Variants in TRPM2 observed in about 807,000 individuals in gnomAD.
TRPM2 encodes the protein transient receptor potential cation channel subfamily M member 2, also known as estrogen-responsive element-associated gene 1 protein.
TRPM2 carries 161 observed loss-of-function variants against 174.0 expected under a neutral mutation model. The observed-to-expected ratio is 0.93, with a 90% CI of 0.81 to 1.05. TRPM2 has a LOEUF of 1.05. Among genes scored for constraint, TRPM2 ranks in the 50% least tolerant of loss-of-function variants. The pLI is 0.00. For synonymous variants in TRPM2, 954 were observed against 861.3 expected (o/e 1.11, Z -1.88); for missense variants, 2,057 against 2,038.0 (o/e 1.01, Z -0.18).
At position 44,401,803 on chromosome 21, in the gene TRPM2, A is replaced by G. The variant is rs1233201537; in HGVS notation, c.2444A>G (p.Tyr815Cys). 2.5e-6 allele frequency: 4 copies of G among 1,613,718 alleles called. No homozygotes were observed. The highest frequency in any genetic ancestry group is 2.2e-5 in the South Asian group (2 of 91,082). ...SYFAFLCLFA[Y>C]VLMVDFQPVP... ...TTCGCCTTCCTCTGCCTGTTCGCCT[A>G]CGTGCTCATGGTGGACTTCCAGCCT... is the stretch of plus-strand genomic sequence containing the variant. The change falls in exon 16 of 32, where the codon TAC becomes TGC. Residue 815 changes from tyrosine to cysteine, a missense_variant. Coordinates refer to ENST00000397928, the MANE Select transcript of TRPM2 (RefSeq NM_003307.4).
At chr21:44,436,819 T>A (rs2051287851) in intron 28 of TRPM2, among the ~76,000 whole-genome samples, 1 of 152,096 alleles carries the variant, frequency 6.6e-6, no homozygotes, top group Non-Finnish European at 1.5e-5. Context: ...GTTTAAAAAA[T>A]TCTCCATGAA....
Position 44,406,835 on chromosome 21 carries a change from G to T in TRPM2, c.2962+70G>T, listed in dbSNP as rs536779795. 3.0e-4 allele frequency: 462 copies of T among 1,527,628 alleles called. 7 individuals carry two copies. The South Asian group carries it at 5.2e-3, about 17-fold the overall frequency. The allele number at this position is 1,527,628 out of a possible 1,614,324, so 94.6% of individuals were successfully genotyped here. ...GCAGGAGAGAGGCTGGAAAGGGGCCGCATGAGTGGGAGTGAGGCCGGCTCC... is the reference window on the plus strand; with the variant it reads ...GCAGGAGAGAGGCTGGAAAGGGGCCTCATGAGTGGGAGTGAGGCCGGCTCC... On this transcript the variant is annotated intron_variant, in intron 19 of 31. Transcript: ENST00000397928.
rs772400611 is a variant in TRPM2 at position 44,353,803 on chromosome 21, C to T, written c.103C>T (p.Arg35Cys). 1.7e-5 allele frequency: 27 copies of T among 1,601,484 alleles called. No homozygotes were observed. The highest frequency in any genetic ancestry group is 1.2e-4 in the East Asian group (5 of 43,380). ...TDLGMVSNLR[R>C]SNSSLFKSWR... ...CCTGGGGATGGTCTCCAATCTCCGG[C>T]GCAGCAACAGCAGCCTCTTCAAGAG... The change falls in exon 1 of 32, where the codon CGC becomes TGC. Residue 35 changes from arginine to cysteine, a missense_variant. Coordinates refer to ENST00000397928, the MANE Select transcript of TRPM2 (RefSeq NM_003307.4).
rs2048682304 is a variant in TRPM2, at chr21:44,375,865, G to A, written c.804G>A (p.Glu268=). 4 of 1,613,976 alleles carry A rather than the reference G, an allele frequency of 2.5e-6. No homozygotes were observed. The highest frequency in any genetic ancestry group is 3.4e-6 in the Non-Finnish European group (4 of 1,179,964). ...TCCCCGCCGAGTACATACTGGATGA[G>A]GATGGCCAAGGGAACCTGACCTGCC... The part of the protein sequence containing the change: ...GSFPAEYILD[E]DGQGNLTCLD... Residue 268 remains glutamate, a synonymous_variant, in exon 6 of 32, where the codon GAG becomes GAA. Transcript: ENST00000397928.
chr21:44,404,030 A>G (rs1014946277), intron 16 of TRPM2, among the ~76,000 whole-genome samples: 1 of 152,034 alleles, frequency 6.6e-6, no homozygotes, highest in Admixed American at 6.6e-5. Flanking sequence ...AAATATACAC[A>G]TCACCCAAGC....
intron 2 of TRPM2, among the ~76,000 whole-genome samples, chr21:44,363,647 C>T (rs1244849745): frequency 6.6e-6 from 1 of 152,150 alleles, no homozygotes; most frequent in East Asian, 1.9e-4. Context: ...ATAATTCTAA[C>T]ATCTGTGTCA....
intron 1 of TRPM2, 34 bp downstream of exon 1, chr21:44,353,899 C>T (rs373323229): frequency 2.2e-4 from 343 of 1,585,592 alleles, no homozygotes; most frequent in Non-Finnish European, 2.8e-4. Context: ...GCAGTTGGCA[C>T]GTGGCCACGG....
At chr21:44,421,353 C>T (rs960538937) in intron 22 of TRPM2, among the ~76,000 whole-genome samples, 3 of 152,066 alleles carry the variant, frequency 2.0e-5, no homozygotes, top group Admixed American at 6.6e-5. Flanking sequence ...TGCCTCTCAG[C>T]TCCTGCCCTA....
At chr21:44,423,616 G>A in intron 22 of TRPM2, 29 bp from the exon 23 acceptor site, 1 of 1,595,432 alleles carries the variant, frequency 6.3e-7, no homozygotes, top group East Asian at 2.3e-5. Context: ...GGTGTGGTGT[G>A]CGTCCAGCTC....
Position 44,403,670 on chromosome 21 carries a change from C to CAT in TRPM2, c.2539-1471_2539-1470insTA, listed in dbSNP as rs1204630389. Reference sequence around the variant, plus strand: ...GCACACATGCACACACATGCATACACACATGCATACACATACATGCACACA... The same window carrying CAT: ...GCACACATGCACACACATGCATACACATACATGCATACACATACATGCACACA... On this transcript the variant is annotated intron_variant, in intron 16 of 31. Coordinates refer to ENST00000397928, the MANE Select transcript of TRPM2 (RefSeq NM_003307.4). Among the ~76,000 whole-genome samples the CAT allele has an allele frequency of 2.3e-4, 35 of 151,884 alleles. No homozygotes were observed. In the East Asian group the frequency reaches 6.4e-3, roughly 28 times the overall value.
chr21:44,418,212 C>T (rs45455993), intron 21 of TRPM2, 104 bp downstream of exon 21: 138 of 1,455,420 alleles, frequency 9.5e-5, no homozygotes, highest in East Asian at 7.9e-4. Flanking sequence ...GCTCAGCAGG[C>T]GTGCAGGTCA....
intron 2 of TRPM2, among the ~76,000 whole-genome samples, chr21:44,356,322 T>C (rs1471015024): frequency 6.6e-6 from 1 of 150,860 alleles, no homozygotes; most frequent in African/African-American, 2.4e-5. Context: ...GCGGGGTCTG[T>C]AGAGCAGTGG....
At chr21:44,437,744 C>T (rs796799671) in intron 29 of TRPM2, among the ~76,000 whole-genome samples, 7 of 152,318 alleles carry the variant, frequency 4.6e-5, no homozygotes, top group African/African-American at 1.7e-4. Flanking sequence ...GGACAGATGG[C>T]CTGGGCCTTT....
Position 44,354,679 on chromosome 21 carries a change from A to C in TRPM2, c.197A>C (p.Asn66Thr). ...AGCCTCAGTTCGTGGATTCCTGAAA[A>C]CATCAAGAAGAAAGAATGCGTGTAT... ...QESLSSWIPE[N>T]IKKKECVYFV... The change falls in exon 2 of 32, where the codon AAC becomes ACC. Residue 66 changes from asparagine to threonine, a missense_variant. By Grantham distance (65) the Asn-to-Thr change is moderately conservative. Transcript: ENST00000397928. The surrounding 1 kb of genome is among the most constrained non-coding windows in gnomAD (Gnocchi z 4.3). 1 of 1,614,134 alleles carries C rather than the reference A, an allele frequency of 6.2e-7. No homozygotes were observed. Among genetic ancestry groups the C allele is most frequent in the African/African-American group, 1.3e-5 (1 of 75,016 alleles).
Position 44,364,211 on chromosome 21 carries a change from C to T in TRPM2, c.352C>T (p.His118Tyr), listed in dbSNP as rs779763903. ...FQGTQWDPKK[H>Y]VQEMPTDAFG... ...GGGCACACAGTGGGACCCAAAGAAA[C>T]ATGTCCAGGAGATGCCAACCGATGC... The change falls in exon 3 of 32, where the codon CAT (histidine) becomes TAT (tyrosine). Residue 118 changes from histidine (H) to tyrosine (Y), a missense_variant. Coordinates refer to ENST00000397928, the MANE Select transcript of TRPM2 (RefSeq NM_003307.4). 8.7e-6 allele frequency: 14 copies of T among 1,614,230 alleles called. No individual in the cohort carries two copies. The highest frequency in any genetic ancestry group is 1.2e-5 in the Non-Finnish European group (14 of 1,180,044).
Position 44,358,153 on chromosome 21 carries a change from C to T in TRPM2, c.254+3417C>T, listed in dbSNP as rs148761038. On this transcript the variant is annotated intron_variant, in intron 2 of 31. Transcript: ENST00000397928. ...CGGGTAATCCCACTGCTTAGCCCCA[C>T]GTCCTGGTAACCCTCCTCAGCTCTG... Among the ~76,000 whole-genome samples the T allele has an allele frequency of 1.7e-4, 26 of 152,332 alleles. 1 individual carries two copies. The East Asian group carries it at 3.7e-3, about 21-fold the overall frequency.
chr21:44,350,605 C>T (rs2047914118), upstream of TRPM2, among the ~76,000 whole-genome samples: 1 of 113,798 alleles, frequency 8.8e-6, no homozygotes, highest in South Asian at 2.9e-4. Context: ...GGGCTCGAGG[C>T]GCTGGTGCAG....
At chr21:44,401,490 G>A (rs1380039774) in intron 15 of TRPM2, among the ~76,000 whole-genome samples, 191 bp from the exon 16 acceptor site, 2 of 152,118 alleles carry the variant, frequency 1.3e-5, no homozygotes, top group Non-Finnish European at 2.9e-5. Flanking sequence ...GTGGCTGTGT[G>A]TGAGGCTCCC....
rs763437109 is a variant in TRPM2, at chr21:44,439,214, C to T, written c.4269+46C>T. The T allele has an allele frequency of 9.6e-6, 15 of 1,559,362 alleles. No individual in the cohort carries two copies. Among genetic ancestry groups the T allele is most frequent in the Non-Finnish European group, 1.3e-5 (15 of 1,132,894 alleles). ...CTGTTCCACCTGTGTGTCCCCAGGGCTGCAGGACAAACACAGTGTGATACT... is the reference window on the plus strand; with the variant it reads ...CTGTTCCACCTGTGTGTCCCCAGGGTTGCAGGACAAACACAGTGTGATACT... On this transcript the variant is annotated intron_variant, in intron 30 of 31. Coordinates refer to ENST00000397928, the MANE Select transcript of TRPM2 (RefSeq NM_003307.4). The surrounding 1 kb of genome is among the most constrained non-coding windows in gnomAD (Gnocchi z 5.1).
Sources: gnomAD v4.1 joint callset for allele counts (sites outside exome capture counted in the v4.1 genomes callset) on GRCh38, gnomAD v4.1.1 for gene constraint, Gnocchi (gnomAD v3.1) non-coding constraint, MANE v1.5 for transcripts, NCBI Gene and HGNC (gene_info 2026-07-23, HGNC 2026-07-21) for gene names.